FBRSL1: variants seen among roughly 807,000 people sequenced by gnomAD.
The protein encoded by FBRSL1 is fibrosin-1-like protein.
Under a neutral mutation model 89.6 loss-of-function variants are expected in FBRSL1, and 51 were observed. The ratio of observed to expected loss-of-function variants is 0.57; its 90% CI spans 0.45 to 0.72. FBRSL1 has a LOEUF of 0.72. Among genes scored for constraint, FBRSL1 ranks in the 30% least tolerant of loss-of-function variants. The probability of loss-of-function intolerance (pLI) is 0.00; values close to 1 mark genes in which losing one functional copy is unlikely to be tolerated. For missense variants in FBRSL1, 1,618 were observed against 1,451.8 expected, an observed-to-expected ratio of 1.11 and a Z score of -1.86; for synonymous variants, 779 against 681.1, an observed-to-expected ratio of 1.14 and a Z score of -2.24.
intron 11 of FBRSL1, among the ~76,000 whole-genome samples, chr12:132,572,964 AAGG>A (rs2040138713): frequency 6.6e-6 from 1 of 152,200 alleles, no homozygotes; most frequent in Non-Finnish European, 1.5e-5. Context: ...TCCTTACCGC[AAGG>A]AGGTTCTTAC....
chr12:132,510,018 G>A, intron 2 of FBRSL1: 2 of 1,231,622 alleles, frequency 1.6e-6, no homozygotes, highest in Non-Finnish European at 2.0e-6. Flanking sequence ...CCAGCGGTTA[G>A]TGGAAGCCCC....
intron 1 of FBRSL1, 92 bp downstream of exon 1, chr12:132,490,953 A>C (rs2136281995): frequency 2.1e-6 from 2 of 960,946 alleles, no homozygotes; most frequent in Non-Finnish European, 2.5e-6. Flanking sequence ...TGGGCTTGCG[A>C]CCGCCCGCGC....
In FBRSL1 at chr12:132,583,940, A is replaced by C; in HGVS notation, c.*162A>C. ...TTGGGTGTCGGCTTTTCTGAGGGTG[A>C]TCTTTTGTTTTCCGAGTTTGGGATT... is the stretch of plus-strand genomic sequence containing the variant. On this transcript the variant is annotated 3_prime_UTR_variant, in exon 19 of 19. Coordinates refer to ENST00000680143, the MANE Select transcript of FBRSL1 (RefSeq NM_001367871.1). The C allele has an allele frequency of 3.2e-6, 1 of 310,324 alleles. No homozygotes were observed. Among genetic ancestry groups the C allele is most frequent in the Non-Finnish European group, 5.7e-6 (1 of 174,588 alleles). The allele number at this position is 310,324 out of a possible 1,614,324, so 19.2% of individuals were successfully genotyped here.
intron 1 of FBRSL1, among the ~76,000 whole-genome samples, chr12:132,504,045 A>G (rs973494376): frequency 2.0e-5 from 3 of 151,902 alleles, no homozygotes; most frequent in African/African-American, 7.3e-5. Context: ...TGCCCAGGGG[A>G]ACATGGTCAT....
intron 14 of FBRSL1, among the ~76,000 whole-genome samples, chr12:132,576,073 A>G (rs1014651928): frequency 6.6e-6 from 1 of 152,262 alleles, no homozygotes; most frequent in Non-Finnish European, 1.5e-5. Context: ...TGAGGGGCAC[A>G]TGTTGTAGTT....
intron 2 of FBRSL1, among the ~76,000 whole-genome samples, chr12:132,523,444 C>A (rs1313716306): frequency 6.6e-6 from 1 of 152,126 alleles, no homozygotes; most frequent in African/African-American, 2.4e-5. Context: ...CCCACCGAGC[C>A]CCTCTGTGGC....
At position 132,583,259 on chromosome 12, in the gene FBRSL1, C is replaced by T; in HGVS notation, c.2490C>T (p.Gly830=). ...EDEASEPPAG[G]LHPAPLQLGL... is the part of the protein sequence containing the mutation. ...AGGCCTCCGAGCCCCCGGCGGGCGG[C>T]CTGCACCCCGCGCCCCTGCAGCTCG... is the stretch of plus-strand genomic sequence containing the variant. The change falls in exon 19 of 19, where the codon GGC becomes GGT. Residue 830 remains glycine, a synonymous_variant. Transcript: ENST00000680143. 7.5e-7 allele frequency: 1 copy of T among 1,332,918 alleles called. No homozygotes were observed. The highest frequency in any genetic ancestry group is 9.6e-7 in the Non-Finnish European group (1 of 1,042,688). 82.6% of individuals were successfully genotyped at this position (1,332,918 alleles called of 1,614,324 possible). A position where few individuals can be genotyped will look rare whatever the true frequency, so the allele number is the denominator to read the frequency against.
intron 18 of FBRSL1, 27 bp downstream of exon 18, chr12:132,582,293 C>G (rs1226427659): frequency 2.6e-6 from 4 of 1,536,420 alleles, no homozygotes; most frequent in South Asian, 2.4e-5. Context: ...TTCCGTATCC[C>G]CACCACACAC....
chr12:132,512,559 G>A (rs2034461983), intron 2 of FBRSL1, among the ~76,000 whole-genome samples: 2 of 152,248 alleles, frequency 1.3e-5, no homozygotes, highest in East Asian at 1.9e-4. Context: ...CGTCCCTGTT[G>A]TCAGGCGTGG....
chr12:132,581,664 C>G (rs1052381140), intron 16 of FBRSL1, 77 bp from the exon 17 acceptor site: 26 of 1,504,750 alleles, frequency 1.7e-5, no homozygotes, highest in Non-Finnish European at 2.4e-5. Context: ...AAAGCCTCTA[C>G]AGCAGCCCCC....
Position 132,577,019 on chromosome 12 carries a change from C to T in FBRSL1, c.1834+88C>T, listed in dbSNP as rs559098851. The T allele has an allele frequency of 3.0e-3, 4,417 of 1,475,378 alleles. 11 individuals carry two copies. The highest frequency in any genetic ancestry group is 3.7e-3 in the Non-Finnish European group (4,105 of 1,101,586). 91.4% of individuals were successfully genotyped at this position (1,475,378 alleles called of 1,614,324 possible). Reference sequence around the variant, plus strand: ...TGCCTTCCTGTGCCAGGAGTGAGAGCGCTCTCTGGACCGCAGCACCAGCCT... The same window carrying T: ...TGCCTTCCTGTGCCAGGAGTGAGAGTGCTCTCTGGACCGCAGCACCAGCCT... On this transcript the variant is annotated intron_variant, in intron 15 of 18. Transcript: ENST00000680143.
chr12:132,583,496 C>T lies in FBRSL1; in HGVS notation c.2727C>T (p.His909=), dbSNP rs767954682. 0.037 allele frequency: 38,301 copies of T among 1,045,622 alleles called. 814 individuals are homozygous for T. Among genetic ancestry groups the T allele is most frequent in the Non-Finnish European group, 0.041 (35,786 of 868,318 alleles). 64.8% of individuals were successfully genotyped at this position (1,045,622 alleles called of 1,614,324 possible). ...RGELERARAP[H]LPPAAPALDG... ...AGCTGGAGCGCGCGCGGGCCCCGCA[C>T]CTGCCGCCCGCCGCCCCCGCCTTGG... Residue 909 remains histidine, a synonymous_variant, in exon 19 of 19, where the codon CAC becomes CAT. Transcript: ENST00000680143.
rs2030671886 is a variant in FBRSL1, at chr12:132,490,597, G to A, written c.27G>A (p.Arg9=). 3.1e-6 allele frequency: 3 copies of A among 982,774 alleles called. No individual in the cohort carries two copies. The highest frequency in any genetic ancestry group is 3.6e-6 in the Non-Finnish European group (3 of 829,576). 60.9% of individuals were successfully genotyped at this position (982,774 alleles called of 1,614,324 possible). MEAKVRPS[R]RSRAQRDRGR... ...TGGAGGCCAAGGTCCGCCCGAGCCG[G>A]CGCTCGCGCGCGCAGCGGGACCGTG... Residue 9 remains arginine, a synonymous_variant, in exon 1 of 19, where the codon CGG becomes CGA. Transcript: ENST00000680143.
Position 132,525,809 on chromosome 12 carries a change from G to T in FBRSL1, c.565G>T (p.Asp189Tyr). Residue 189 changes from aspartate to tyrosine, a missense_variant, in exon 3 of 19, where the codon GAC (aspartate) becomes TAC (tyrosine). By Grantham distance (160) the Asp-to-Tyr change is radical. Coordinates refer to ENST00000680143, the MANE Select transcript of FBRSL1 (RefSeq NM_001367871.1). ...DSVLEATSSRDPLSDSSAHAV... is the reference protein window; with the variant it reads ...DSVLEATSSRYPLSDSSAHAV... ...CGTCCTCGAAGCCACCAGCTCCCGG[G>T]ACCCGCTCAGCGATGTGAGTACCCA... The T allele has an allele frequency of 6.5e-7, 1 of 1,549,590 alleles. No individual in the cohort carries two copies. The highest frequency in any genetic ancestry group is 8.7e-7 in the Non-Finnish European group (1 of 1,146,182).
At chr12:132,525,960 G>C in intron 3 of FBRSL1, 137 bp downstream of exon 3, 1 of 698,564 alleles carries the variant, frequency 1.4e-6, no homozygotes, top group Non-Finnish European at 2.4e-6. Context: ...TCCGAGTCTG[G>C]GCCCCCTGCC....
intron 4 of FBRSL1, among the ~76,000 whole-genome samples, chr12:132,531,701 C>T (rs946588758): frequency 6.6e-6 from 1 of 151,442 alleles, no homozygotes; most frequent in African/African-American, 2.4e-5. Context: ...GTGCACGTGG[C>T]GTTGCGTGTT....
At chr12:132,492,880 G>A (rs1376974784) in intron 1 of FBRSL1, among the ~76,000 whole-genome samples, 1 of 152,262 alleles carries the variant, frequency 6.6e-6, no homozygotes, top group Non-Finnish European at 1.5e-5. Context: ...CGTGTCTCTT[G>A]GTTGTCTACA....
rs527642121 is a variant in FBRSL1 at position 132,575,796 on chromosome 12, T to C, written c.1702-1003T>C. On this transcript the variant is annotated intron_variant, in intron 14 of 18. Transcript: ENST00000680143. ...GTGCCAGAGTACCCCAGCATCATCA[T>C]GGCCAGTGAAACCACCCCAGTGCCA... Among the ~76,000 whole-genome samples the C allele has an allele frequency of 2.6e-5, 4 of 152,358 alleles. No individual in the cohort carries two copies. In the East Asian group the frequency reaches 7.7e-4, roughly 29 times the overall value.
intron 5 of FBRSL1, among the ~76,000 whole-genome samples, chr12:132,550,321 G>A (rs919582118): frequency 6.0e-5 from 9 of 151,052 alleles, no homozygotes; most frequent in African/African-American, 1.5e-4. Context: ...CTGGCGGGGC[G>A]GGGACGGAGA....
Sources: allele counts gnomAD v4.1 joint callset (sites outside exome capture counted in the v4.1 genomes callset), GRCh38; gene constraint gnomAD v4.1.1; transcripts MANE v1.5; gene names NCBI Gene and HGNC (gene_info 2026-07-23, HGNC 2026-07-21).